Variants in KIAA1217 observed in about 807,000 individuals in gnomAD.
KIAA1217 encodes sickle tail protein homolog.
In KIAA1217, 88 loss-of-function variants were observed where a neutral mutation model predicts 163.9. The observed-to-expected ratio is 0.54, with a 90% CI of 0.45 to 0.64. The LOEUF (loss-of-function observed/expected upper bound fraction) is 0.64. KIAA1217 is among the 30% of genes least tolerant of loss of function. The pLI, the probability that KIAA1217 is intolerant of heterozygous loss-of-function variation, is 0.00. For missense variants in KIAA1217, 2,372 were observed against 2,475.0 expected (o/e 0.96, Z 0.88); for synonymous variants, 903 against 923.1 (o/e 0.98, Z 0.39).
At chr10:24,506,597 C>A (rs2068391610) in intron 9 of KIAA1217, among the ~76,000 whole-genome samples, 1 of 152,210 alleles carries the variant, frequency 6.6e-6, no homozygotes, top group Non-Finnish European at 1.5e-5. Flanking sequence ...TGCCCTCCCA[C>A]TGTGGGCAAC....
intron 2 of KIAA1217, among the ~76,000 whole-genome samples, chr10:24,374,394 TTG>T (rs1281771378): frequency 6.6e-6 from 1 of 152,118 alleles, no homozygotes; most frequent in South Asian, 2.1e-4. Context: ...ACACTCGATT[TTG>T]TGTGTGTGTA....
chr10:24,341,239 A>T (rs769634677), intron 2 of KIAA1217, among the ~76,000 whole-genome samples: 6 of 152,178 alleles, frequency 3.9e-5, no homozygotes, highest in Non-Finnish European at 8.8e-5. Flanking sequence ...TTCTAGAGGC[A>T]TTCCACAGTG....
At chr10:24,023,406 T>C (rs1191651288) in intron 2 of KIAA1217, among the ~76,000 whole-genome samples, 1 of 151,624 alleles carries the variant, frequency 6.6e-6, no homozygotes, top group Non-Finnish European at 1.5e-5. Context: ...AGTTGACCCT[T>C]GAACAGTACA....
intron 2 of KIAA1217, among the ~76,000 whole-genome samples, chr10:24,123,134 T>TTG (rs35526705): frequency 0.22 from 32,638 of 147,966 alleles, 3,743 homozygotes; most frequent in East Asian, 0.46. Context: ...TACTGTGTGT[T>TTG]TGTGTGTGTG....
chr10:23,797,592 A>G (rs953701280), intron 1 of KIAA1217, among the ~76,000 whole-genome samples: 21 of 152,158 alleles, frequency 1.4e-4, no homozygotes, highest in Admixed American at 3.9e-4. Flanking sequence ...GAAACTTACA[A>G]TCATGGCGGA....
chr10:24,353,400 C>G (rs1283265788), intron 2 of KIAA1217, among the ~76,000 whole-genome samples: 26 of 152,178 alleles, frequency 1.7e-4, no homozygotes, highest in Admixed American at 1.7e-3. Context: ...GAGGGGTGTT[C>G]CAGGAAGCTC....
At chr10:24,001,190 T>C (rs534377196) in intron 1 of KIAA1217, among the ~76,000 whole-genome samples, 1 of 152,226 alleles carries the variant, frequency 6.6e-6, no homozygotes, top group African/African-American at 2.4e-5. Flanking sequence ...ATATAATCAC[T>C]GTCTTTATGT....
intron 2 of KIAA1217, among the ~76,000 whole-genome samples, chr10:24,073,441 A>T (rs537873861): frequency 6.6e-6 from 1 of 152,328 alleles, no homozygotes; most frequent in Admixed American, 6.5e-5. Flanking sequence ...AACCAGCTGG[A>T]TATAGATGGA....
In KIAA1217 at chr10:23,854,709, G is replaced by A. The variant is rs1162304345; in HGVS notation, c.-320-152516G>A. Among the ~76,000 whole-genome samples, 8 of 152,254 alleles carry A rather than the reference G, an allele frequency of 5.3e-5. No individual in the cohort carries two copies. In the East Asian group the frequency reaches 1.2e-3, roughly 22 times the overall value. ...GAATCTGAGTGCTCTTGTATTGGGT[G>A]CATATATATTTAGGATAGTTAGCTC... On this transcript the variant is annotated intron_variant, in intron 1 of 18. Coordinates refer to the KIAA1217 transcript ENST00000376462.
chr10:24,436,287 A>G (rs1241411591), intron 4 of KIAA1217, among the ~76,000 whole-genome samples: 1 of 152,190 alleles, frequency 6.6e-6, no homozygotes, highest in Non-Finnish European at 1.5e-5. Context: ...AAAGAACCTA[A>G]AAATGTTCAA....
At chr10:23,973,213 A>G (rs1410734580) in intron 1 of KIAA1217, among the ~76,000 whole-genome samples, 3 of 152,196 alleles carry the variant, frequency 2.0e-5, no homozygotes, top group Non-Finnish European at 4.4e-5. Flanking sequence ...GATGCAGAGA[A>G]TTAAGTTTAG....
At chr10:23,952,092 G>C (rs1043241336) in intron 1 of KIAA1217, among the ~76,000 whole-genome samples, 1 of 152,184 alleles carries the variant, frequency 6.6e-6, no homozygotes, top group Non-Finnish European at 1.5e-5. Flanking sequence ...GATTATCATT[G>C]AGAATCATTA....
rs1037722938 is a variant in KIAA1217 at position 24,444,468 on chromosome 10, G to C, written c.846+5989G>C. Among the ~76,000 whole-genome samples the C allele has an allele frequency of 3.9e-5, 6 of 152,230 alleles. No individual in the cohort carries two copies. The South Asian group carries it at 1.2e-3, about 32-fold the overall frequency. On this transcript the variant is annotated intron_variant, in intron 5 of 20. Coordinates refer to ENST00000376454, the MANE Select transcript of KIAA1217 (RefSeq NM_019590.5). ...CGCATTGTGTTATAATCATTTAGCT[G>C]TGTGTTCATCTCATGCAAAAGACTG... is the stretch of plus-strand genomic sequence containing the variant.
chr10:23,815,459 A>G (rs1460619685), intron 1 of KIAA1217, among the ~76,000 whole-genome samples: 1 of 152,128 alleles, frequency 6.6e-6, no homozygotes, highest in Admixed American at 6.5e-5. Context: ...CCTGGCTAAC[A>G]CGGTGAAACC....
At chr10:23,713,844 T>A (rs972617253) in intron 1 of KIAA1217, among the ~76,000 whole-genome samples, 1 of 152,148 alleles carries the variant, frequency 6.6e-6, no homozygotes, top group Non-Finnish European at 1.5e-5. Context: ...TATTTCCACC[T>A]CTAGACAATT....
intron 3 of KIAA1217, among the ~76,000 whole-genome samples, chr10:24,391,493 G>A (rs560210148): frequency 6.0e-4 from 91 of 151,820 alleles, no homozygotes; most frequent in African/African-American, 2.1e-3. Context: ...TACAGGCAAC[G>A]GCCAACACAC....
intron 2 of KIAA1217, among the ~76,000 whole-genome samples, chr10:24,340,591 GCATCTCTTCCCTCCACCCA>G (rs1225599040): frequency 1.5e-4 from 23 of 151,998 alleles, no homozygotes; most frequent in Admixed American, 1.1e-3. Flanking sequence ...CCCTCCACCC[GCATCTCTTCCCTCCACCCA>G]CATCTCTTCC....
intron 2 of KIAA1217, among the ~76,000 whole-genome samples, chr10:24,167,091 C>T (rs2065386501): frequency 6.6e-6 from 1 of 152,042 alleles, no homozygotes; most frequent in South Asian, 2.1e-4. Flanking sequence ...GATTAAAAAA[C>T]AGGAAGCACA....
At chr10:23,701,146 C>G (rs1247472820) in intron 1 of KIAA1217, among the ~76,000 whole-genome samples, 1 of 152,174 alleles carries the variant, frequency 6.6e-6, no homozygotes, top group East Asian at 1.9e-4. Flanking sequence ...ATTATGGTGT[C>G]ATCTCAGTTC....
Sources: gnomAD v4.1 joint callset for allele counts (sites outside exome capture counted in the v4.1 genomes callset) on GRCh38, gnomAD v4.1.1 for gene constraint, MANE v1.5 for transcripts, NCBI Gene and HGNC (gene_info 2026-07-23, HGNC 2026-07-21) for gene names.